CACTIN: variants seen among roughly 807,000 people sequenced by gnomAD.
The protein encoded by CACTIN is cactin, spliceosome C complex subunit, also known as splicing factor Cactin.
In CACTIN, 20 loss-of-function variants were observed where a neutral mutation model predicts 84.9. That is an observed-to-expected ratio of 0.24 (90% confidence interval 0.17 to 0.34). The LOEUF is 0.34. Among genes scored for constraint, CACTIN ranks in the 10% least tolerant of loss-of-function variants. The probability of loss-of-function intolerance (pLI) is 1.00; values close to 1 mark genes in which losing one functional copy is unlikely to be tolerated. For missense variants in CACTIN, 897 were observed against 1,117.2 expected, an observed-to-expected ratio of 0.80 and a Z score of 2.81; for synonymous variants, 549 against 467.9, an observed-to-expected ratio of 1.17 and a Z score of -2.24.
chr19:3,614,452 T>C lies in CACTIN; in HGVS notation c.1300A>G (p.Met434Val), dbSNP rs759954761. 5.0e-6 allele frequency: 8 copies of C among 1,596,620 alleles called. 1 individual carries two copies. The African/African-American group carries it at 5.4e-5, about 11-fold the overall frequency. The part of the protein sequence containing the change: ...KIRAGGPNLD[M>V]GYWESLLQQL... ...TGCAGGAGGCTCTCCCAGTAGCCCA[T>C]GTCCAGGTTGGGGCCACCAGCGCGG... Residue 434 changes from methionine to valine, a missense_variant, in exon 7 of 10, where the codon ATG becomes GTG. Transcript: ENST00000429344.
chr19:3,625,705 C>A (rs1443729160), intron 1 of CACTIN, among the ~76,000 whole-genome samples: 2 of 152,188 alleles, frequency 1.3e-5, no homozygotes, highest in East Asian at 1.9e-4. Flanking sequence ...CCAGCCTGGG[C>A]GACAGAGCAA....
chr19:3,615,527 A>C lies in CACTIN; in HGVS notation c.1163-938T>G, dbSNP rs1289140358. ...CCCATTCGCTTCCTGAATTCCTCGC[A>C]TCCTCCATGCTCAGTGAGAACATCC... On this transcript the variant is annotated intron_variant, in intron 6 of 9. Coordinates refer to ENST00000429344, the MANE Select transcript of CACTIN (RefSeq NM_001080543.2). This position sits in a 1 kb window ranked among gnomAD's most constrained non-coding sequence, Gnocchi z 5.2. 3 of 152,320 alleles carry C rather than the reference A, an allele frequency of 2.0e-5. No homozygotes were observed. Among genetic ancestry groups the C allele is most frequent in the Admixed American group, 6.5e-5 (1 of 15,272 alleles). 9.4% of individuals were successfully genotyped at this position (152,320 alleles called of 1,614,324 possible). A position where few individuals can be genotyped will look rare whatever the true frequency, so the allele number is the denominator to read the frequency against.
intron 2 of CACTIN, 188 bp from the exon 3 acceptor site, chr19:3,620,990 G>A (rs916438368): frequency 7.2e-6 from 5 of 695,796 alleles, no homozygotes; most frequent in Non-Finnish European, 1.3e-5. Context: ...TGCAGACATG[G>A]AGCCCCCACT....
chr19:3,613,434 C>T (rs1420320091), intron 8 of CACTIN, 30 bp downstream of exon 8: 4 of 1,553,418 alleles, frequency 2.6e-6, no homozygotes, highest in African/African-American at 1.4e-5. Flanking sequence ...GCGTCTGCAT[C>T]GGCGTCCCCG....
intron 3 of CACTIN, 95 bp from the exon 4 acceptor site, chr19:3,620,367 G>T: frequency 1.5e-6 from 2 of 1,348,764 alleles, no homozygotes; most frequent in Non-Finnish European, 2.0e-6. Flanking sequence ...CCTTCACCCA[G>T]CTGCCCTGGG....
At chr19:3,626,554 G>A in intron 1 of CACTIN, 42 bp downstream of exon 1, 1 of 1,356,498 alleles carries the variant, frequency 7.4e-7, no homozygotes, top group Non-Finnish European at 9.5e-7. Flanking sequence ...CGCTCCTGAG[G>A]TAGGAGCCGG....
In CACTIN at chr19:3,611,216, G is replaced by A. The variant is rs759789524; in HGVS notation, c.*707C>T. On this transcript the variant is annotated 3_prime_UTR_variant, in exon 10 of 10. Transcript: ENST00000429344. ...CCTTGACAGAGACAGGGACCTCGAC[G>A]CATCCTCCATACCCGCTGCGGGGAA... 1.4e-5 allele frequency: 6 copies of A among 430,980 alleles called. No homozygotes were observed. The highest frequency in any genetic ancestry group is 3.4e-4 in the Middle Eastern group (1 of 2,968). 26.7% of individuals were successfully genotyped at this position (430,980 alleles called of 1,614,324 possible).
intron 2 of CACTIN, 39 bp from the exon 3 acceptor site, chr19:3,620,841 G>A (rs780878361): frequency 8.6e-6 from 13 of 1,503,594 alleles, no homozygotes; most frequent in South Asian, 5.7e-5. Context: ...GCACAGACCC[G>A]CCCCCTCGCC....
chr19:3,612,503 G>A, intron 9 of CACTIN, 90 bp from the exon 10 acceptor site: 1 of 1,456,534 alleles, frequency 6.9e-7, no homozygotes, highest in Non-Finnish European at 9.0e-7. Context: ...GGCCGCTGGT[G>A]CCTCCCGCAA....
intron 7 of CACTIN, 88 bp downstream of exon 7, chr19:3,614,309 C>T (rs1054361434): frequency 9.0e-6 from 12 of 1,333,822 alleles, no homozygotes; most frequent in African/African-American, 2.9e-5. Context: ...CAGGAGGAGG[C>T]GAGACCCACC....
intron 1 of CACTIN, among the ~76,000 whole-genome samples, chr19:3,624,941 G>A (rs1374831198): frequency 6.7e-6 from 1 of 150,252 alleles, no homozygotes; most frequent in Non-Finnish European, 1.5e-5. Flanking sequence ...CTGTCACACA[G>A]GCTGGAGTGC....
At chr19:3,619,291 A>G (rs1257145727) in intron 4 of CACTIN, 49 bp from the exon 5 acceptor site, 1 of 1,588,032 alleles carries the variant, frequency 6.3e-7, no homozygotes, top group Non-Finnish European at 8.6e-7. Flanking sequence ...TGTGCCCTCC[A>G]TGCTAAAGAC....
At chr19:3,618,161 T>C (rs1266377905) in intron 6 of CACTIN, among the ~76,000 whole-genome samples, 1 of 105,094 alleles carries the variant, frequency 9.5e-6, no homozygotes, top group Non-Finnish European at 1.9e-5. Context: ...AGGGCTGCTG[T>C]GGTTGGCTTT....
rs762245147 is a variant in CACTIN, at chr19:3,624,111, G to A, written c.219C>T (p.Ser73=). The change falls in exon 2 of 10, where the codon AGC becomes AGT. Residue 73 remains serine (S), a synonymous_variant. Transcript: ENST00000429344. ...TTGAGTGCCACTTGGGCCGCGGGGG[G>A]CTCCGGCTTCGCATCCCTGAGCGCT... ...RWQRSGMRSR[S]PPRPKWHSRD... 4.4e-6 allele frequency: 7 copies of A among 1,587,568 alleles called. No homozygotes were observed. Among genetic ancestry groups the A allele is most frequent in the East Asian group, 2.2e-5 (1 of 44,458 alleles).
At position 3,619,004 on chromosome 19, in the gene CACTIN, C is replaced by A; in HGVS notation, c.1048-15G>T. ...TCCATGTAGACCTGGGGGCAGGGGG[C>A]AGGGGTCAGGACACGGGTGTGGCTG... On this transcript the variant is annotated splice_polypyrimidine_tract_variant and intron_variant, in intron 5 of 9. Transcript: ENST00000429344. 1 of 1,550,420 alleles carries A rather than the reference C, an allele frequency of 6.4e-7. No homozygotes were observed. Among genetic ancestry groups the A allele is most frequent in the South Asian group, 1.2e-5 (1 of 84,004 alleles).
intron 1 of CACTIN, among the ~76,000 whole-genome samples, chr19:3,624,669 G>A (rs1349002704): frequency 1.3e-5 from 2 of 152,100 alleles, no homozygotes; most frequent in African/African-American, 2.4e-5. Context: ...GGCTGGTGGC[G>A]CAGGAATTAT....
intron 1 of CACTIN, among the ~76,000 whole-genome samples, chr19:3,625,137 C>T (rs761294615): frequency 2.0e-5 from 3 of 152,188 alleles, no homozygotes; most frequent in Non-Finnish European, 4.4e-5. Flanking sequence ...GGCAAGCCTC[C>T]TGTCTCAGCC....
intron 2 of CACTIN, among the ~76,000 whole-genome samples, chr19:3,621,193 C>T (rs771358787): frequency 1.3e-5 from 2 of 152,254 alleles, no homozygotes; most frequent in Admixed American, 6.5e-5. Context: ...GTGAAGGCCA[C>T]GCCCTCAGCA....
chr19:3,614,616 G>C (rs1359576865), intron 6 of CACTIN, 27 bp from the exon 7 acceptor site: 1 of 1,568,738 alleles, frequency 6.4e-7, no homozygotes, highest in East Asian at 2.3e-5. Context: ...GCATGGGGGG[G>C]CGGTTCCACA....
Sources: gnomAD v4.1 joint callset for allele counts (sites outside exome capture counted in the v4.1 genomes callset) on GRCh38, gnomAD v4.1.1 for gene constraint, Gnocchi (gnomAD v3.1) non-coding constraint, MANE v1.5 for transcripts, NCBI Gene and HGNC (gene_info 2026-07-23, HGNC 2026-07-21) for gene names.